Variants in VRK2 observed in about 807,000 individuals in gnomAD.
VRK2 encodes the protein VRK serine/threonine kinase 2.
A neutral mutation model predicts 57.6 loss-of-function variants in VRK2; 60 were observed. The ratio of observed to expected loss-of-function variants is 1.04; its 90% CI spans 0.85 to 1.29. VRK2 has a LOEUF of 1.29. VRK2 is among the 50% of genes most tolerant of loss of function. The probability of loss-of-function intolerance (pLI) is 0.00; values close to 1 mark genes in which losing one functional copy is unlikely to be tolerated. For synonymous variants in VRK2, 231 were observed against 199.2 expected (o/e 1.16, Z -1.35); for missense variants, 705 against 588.1 (o/e 1.20, Z -2.06).
chr2:58,069,428 T>A (rs1354338269), intron 2 of VRK2, among the ~76,000 whole-genome samples: 1 of 152,132 alleles, frequency 6.6e-6, no homozygotes, highest in African/African-American at 2.4e-5. Context: ...GTTCCCAAGC[T>A]CTCTCCCTCC....
chr2:57,916,939 T>C (rs1237923291), intron 1 of VRK2, among the ~76,000 whole-genome samples: 1 of 152,176 alleles, frequency 6.6e-6, no homozygotes, highest in African/African-American at 2.4e-5. Flanking sequence ...TCAAATAAAC[T>C]AGCGTATGTA....
rs190306207 is a variant in VRK2, at chr2:58,003,292, T to C, written c.-438-22373T>C. Among the ~76,000 whole-genome samples, 238 of 152,308 alleles carry C rather than the reference T, an allele frequency of 1.6e-3. No individual in the cohort carries two copies. The Middle Eastern group carries it at 0.017, about 11-fold the overall frequency. On this transcript the variant is annotated intron_variant, in intron 1 of 15. Transcript: ENST00000417641. Reference sequence around the variant, plus strand: ...ATGACAAAATATGGGTTCCATATAATGTATCTTGACTGCTTACTATTATTT... The same window carrying C: ...ATGACAAAATATGGGTTCCATATAACGTATCTTGACTGCTTACTATTATTT...
At chr2:58,156,588 G>T (rs58581606) in intron 12 of VRK2, among the ~76,000 whole-genome samples, 4,494 of 119,300 alleles carry the variant, frequency 0.038, 232 homozygotes, top group African/African-American at 0.26. Context: ...TGTTTTTTTT[G>T]TTTTGTTTTG....
intron 7 of VRK2, among the ~76,000 whole-genome samples, chr2:58,106,047 CAA>C (rs1674702121): frequency 6.6e-6 from 1 of 151,894 alleles, no homozygotes; most frequent in African/African-American, 2.4e-5. Context: ...TTGAATCAGA[CAA>C]AGAGGAAGAC....
intron 1 of VRK2, among the ~76,000 whole-genome samples, chr2:57,957,093 T>G (rs936050574): frequency 1.3e-5 from 2 of 152,162 alleles, no homozygotes; most frequent in African/African-American, 2.4e-5. Flanking sequence ...AAGGAAGCTT[T>G]ATTGATGGTC....
intron 2 of VRK2, among the ~76,000 whole-genome samples, chr2:58,081,081 C>T (rs1272019474): frequency 6.6e-6 from 1 of 151,998 alleles, no homozygotes; most frequent in Non-Finnish European, 1.5e-5. Flanking sequence ...TCTTAATAAA[C>T]ATTTTTTTCA....
chr2:58,082,824 T>A (rs77461828), intron 2 of VRK2, among the ~76,000 whole-genome samples: 9,038 of 151,932 alleles, frequency 0.059, 377 homozygotes, highest in Non-Finnish European at 0.092. Context: ...ACTGAAATAA[T>A]ACTTTCTTCA....
chr2:57,940,614 A>T (rs982801310), intron 1 of VRK2, among the ~76,000 whole-genome samples: 5 of 152,200 alleles, frequency 3.3e-5, no homozygotes, highest in Non-Finnish European at 5.9e-5. Flanking sequence ...AGGGAAAAAA[A>T]GGTCAAACAT....
chr2:57,919,429 A>G (rs1215759315), intron 1 of VRK2, among the ~76,000 whole-genome samples: 6 of 152,088 alleles, frequency 3.9e-5, no homozygotes, highest in Non-Finnish European at 7.4e-5. Context: ...CTGGCTGGCA[A>G]TAATTTCTGA....
chr2:58,024,810 T>C (rs1031371783), intron 1 of VRK2, among the ~76,000 whole-genome samples: 5 of 152,208 alleles, frequency 3.3e-5, no homozygotes, highest in Non-Finnish European at 2.9e-5. Flanking sequence ...ATGCTGAAGA[T>C]GCTAAATTTA....
chr2:58,008,308 T>G (rs1673316134), intron 1 of VRK2, among the ~76,000 whole-genome samples: 1 of 151,922 alleles, frequency 6.6e-6, no homozygotes, highest in South Asian at 2.1e-4. Flanking sequence ...TGAAAATACA[T>G]AGTATCAAAT....
At chr2:58,102,268 A>C (rs1449202240) in intron 7 of VRK2, among the ~76,000 whole-genome samples, 1 of 151,600 alleles carries the variant, frequency 6.6e-6, no homozygotes, top group East Asian at 1.9e-4. Context: ...TTGAATATAA[A>C]TGGATTAAAT....
intron 7 of VRK2, among the ~76,000 whole-genome samples, chr2:58,111,474 TG>T (rs1300881001): frequency 1.3e-5 from 2 of 152,134 alleles, no homozygotes; most frequent in African/African-American, 4.8e-5. Flanking sequence ...TTAAGGAGTC[TG>T]GGCGTGGCAG....
chr2:58,010,871 C>T (rs1673397336), intron 1 of VRK2, among the ~76,000 whole-genome samples: 1 of 152,120 alleles, frequency 6.6e-6, no homozygotes, highest in Non-Finnish European at 1.5e-5. Flanking sequence ...CAGGGAATTT[C>T]CTCTATATGT....
At chr2:58,067,891 T>TTTTTC (rs553496866) in intron 2 of VRK2, among the ~76,000 whole-genome samples, 76 of 151,990 alleles carry the variant, frequency 5.0e-4, no homozygotes, top group Admixed American at 1.5e-3. Context: ...TCAATATCTT[T>TTTTTC]TTTTCTTTTC....
chr2:58,069,279 G>A (rs963880433), intron 2 of VRK2, among the ~76,000 whole-genome samples: 1 of 152,168 alleles, frequency 6.6e-6, no homozygotes, highest in Non-Finnish European at 1.5e-5. Context: ...GGTCATGTGT[G>A]TTCCATTCAG....
At chr2:57,976,730 C>T (rs1672262456) in intron 1 of VRK2, among the ~76,000 whole-genome samples, 1 of 152,040 alleles carries the variant, frequency 6.6e-6, no homozygotes, top group African/African-American at 2.4e-5. Flanking sequence ...TTAATTAGGT[C>T]CCACTTGTCT....
chr2:58,058,021 G>T (rs564502418), intron 2 of VRK2, among the ~76,000 whole-genome samples: 1 of 152,142 alleles, frequency 6.6e-6, no homozygotes, highest in South Asian at 2.1e-4. Context: ...TCTTTAATTT[G>T]CAATCCAAGT....
chr2:57,926,251 A>G (rs1670528274), intron 1 of VRK2, among the ~76,000 whole-genome samples: 1 of 151,928 alleles, frequency 6.6e-6, no homozygotes, highest in African/African-American at 2.4e-5. Context: ...CTTGTTCTAT[A>G]GTGCAGATTA....
Sources: allele counts gnomAD v4.1 joint callset (sites outside exome capture counted in the v4.1 genomes callset), GRCh38; gene constraint gnomAD v4.1.1; transcripts MANE v1.5; gene names NCBI Gene and HGNC (gene_info 2026-07-23, HGNC 2026-07-21).